Variants in CDH4 observed in about 807,000 individuals in gnomAD.
The protein encoded by CDH4 is cadherin-4.
In CDH4, 33 loss-of-function variants were observed where a neutral mutation model predicts 86.0. The ratio of observed to expected loss-of-function variants is 0.38; its 90% CI spans 0.29 to 0.51. CDH4 has a LOEUF of 0.51. CDH4 is among the 20% of genes least tolerant of loss of function. The probability of loss-of-function intolerance (pLI) is 0.86; values close to 1 mark genes in which losing one functional copy is unlikely to be tolerated. For synonymous variants in CDH4, 555 were observed against 549.4 expected (o/e 1.01, Z -0.14); for missense variants, 1,114 against 1,307.4 (o/e 0.85, Z 2.28).
chr20:61,513,303 A>T (rs1012583456), intron 2 of CDH4, among the ~76,000 whole-genome samples: 2 of 152,172 alleles, frequency 1.3e-5, no homozygotes, highest in African/African-American at 4.8e-5. Flanking sequence ...GAAAGGGAAC[A>T]TCCACGGTCT....
Position 61,853,235 on chromosome 20 carries a change from A to C in CDH4, c.877+337A>C, listed in dbSNP as rs193263024. Among the ~76,000 whole-genome samples the C allele has an allele frequency of 2.9e-3, 445 of 152,108 alleles. 3 individuals are homozygous for C. Among genetic ancestry groups the C allele is most frequent in the Middle Eastern group, 0.01 (3 of 294 alleles). Reference sequence around the variant, plus strand: ...CGTGTGGGCTGGGAGCTGAAGCCTGAGGTGGAGCAGCTCCCGGAGTGGGAC... The same window carrying C: ...CGTGTGGGCTGGGAGCTGAAGCCTGCGGTGGAGCAGCTCCCGGAGTGGGAC... On this transcript the variant is annotated intron_variant, in intron 6 of 15. Coordinates refer to ENST00000614565, the MANE Select transcript of CDH4 (RefSeq NM_001794.5).
chr20:61,926,885 AAAG>A (rs1298664329), intron 11 of CDH4, among the ~76,000 whole-genome samples: 1 of 152,030 alleles, frequency 6.6e-6, no homozygotes, highest in African/African-American at 2.4e-5. Context: ...AAAAGAAAAA[AAAG>A]AAAGAAAGTG....
chr20:61,324,104 T>C (rs542178815), intron 2 of CDH4, among the ~76,000 whole-genome samples: 1 of 152,280 alleles, frequency 6.6e-6, no homozygotes, highest in African/African-American at 2.4e-5. Flanking sequence ...TGTGGGAGTG[T>C]GTGCGATACT....
intron 2 of CDH4, among the ~76,000 whole-genome samples, chr20:61,484,718 G>A (rs1170456481): frequency 6.6e-6 from 1 of 152,150 alleles, no homozygotes; most frequent in African/African-American, 2.4e-5. Flanking sequence ...AGCCAGTGGG[G>A]AAAGAGCTAT....
chr20:61,259,800 C>T (rs1305247275), intron 2 of CDH4, among the ~76,000 whole-genome samples: 4 of 152,204 alleles, frequency 2.6e-5, no homozygotes, highest in Non-Finnish European at 5.9e-5. Flanking sequence ...TCACCGGTAT[C>T]TAATTAGGTT....
chr20:61,916,875 T>TA (rs1243731321), intron 9 of CDH4, among the ~76,000 whole-genome samples: 4 of 152,150 alleles, frequency 2.6e-5, no homozygotes, highest in African/African-American at 4.8e-5. Context: ...TCTAGCTGGG[T>TA]CCCCCCAGGT....
chr20:61,317,667 C>T (rs2084484062), intron 2 of CDH4, among the ~76,000 whole-genome samples: 1 of 152,138 alleles, frequency 6.6e-6, no homozygotes, highest in African/African-American at 2.4e-5. Context: ...TGGTAGCACC[C>T]CTCCCCTAGG....
intron 2 of CDH4, among the ~76,000 whole-genome samples, chr20:61,484,477 C>T (rs1043327621): frequency 2.0e-5 from 3 of 152,224 alleles, no homozygotes; most frequent in African/African-American, 4.8e-5. Flanking sequence ...TCATCAGGCC[C>T]GTTTATCTTC....
chr20:61,934,290 C>A (rs2055152417), intron 15 of CDH4, 70 bp downstream of exon 15: 8 of 1,457,810 alleles, frequency 5.5e-6, no homozygotes, highest in East Asian at 2.5e-5. Flanking sequence ...TGGTAACACA[C>A]ACAGAAGCCA....
At chr20:61,300,053 A>G (rs1462648756) in intron 2 of CDH4, among the ~76,000 whole-genome samples, 3 of 152,106 alleles carry the variant, frequency 2.0e-5, no homozygotes, top group Admixed American at 6.5e-5. Flanking sequence ...TCCAACAAAC[A>G]TGAAGAGACT....
At chr20:61,868,252 C>A (rs115839365) in intron 6 of CDH4, among the ~76,000 whole-genome samples, 1,786 of 152,236 alleles carry the variant, frequency 0.012, 23 homozygotes, top group South Asian at 0.06. Flanking sequence ...ATCCTGGGGC[C>A]GTCTGTGTTC....
chr20:61,278,732 C>T (rs1408851063), intron 2 of CDH4, among the ~76,000 whole-genome samples: 4 of 152,208 alleles, frequency 2.6e-5, no homozygotes, highest in African/African-American at 4.8e-5. Flanking sequence ...TTTCTCCCCT[C>T]GAGAACAAGG....
intron 2 of CDH4, among the ~76,000 whole-genome samples, chr20:61,418,506 T>C (rs1025711435): frequency 3.9e-5 from 6 of 152,274 alleles, no homozygotes; most frequent in South Asian, 4.1e-4. Context: ...CCACCGCGCC[T>C]GGCCAAACTT....
chr20:61,409,137 C>G (rs565444784), intron 2 of CDH4, among the ~76,000 whole-genome samples: 1 of 152,336 alleles, frequency 6.6e-6, no homozygotes, highest in African/African-American at 2.4e-5. Flanking sequence ...GCCACTCCAT[C>G]ACGTGGTGGG....
chr20:61,575,901 A>T (rs2086379303), intron 2 of CDH4, among the ~76,000 whole-genome samples: 1 of 152,170 alleles, frequency 6.6e-6, no homozygotes, highest in African/African-American at 2.4e-5. Context: ...CAACTCTGCC[A>T]GTAGGGGAGA....
At chr20:61,865,959 T>G (rs1983530713) in intron 6 of CDH4, among the ~76,000 whole-genome samples, 1 of 152,214 alleles carries the variant, frequency 6.6e-6, no homozygotes, top group Non-Finnish European at 1.5e-5. Flanking sequence ...ATTTTTATAT[T>G]TGATCTGGTC....
At chr20:61,606,817 G>A (rs1294353927) in intron 2 of CDH4, among the ~76,000 whole-genome samples, 1 of 152,264 alleles carries the variant, frequency 6.6e-6, no homozygotes, top group Non-Finnish European at 1.5e-5. Context: ...ATGACTCTGT[G>A]TGGCCTTGCC....
At chr20:61,416,517 T>C (rs953275513) in intron 2 of CDH4, among the ~76,000 whole-genome samples, 1 of 152,232 alleles carries the variant, frequency 6.6e-6, no homozygotes, top group East Asian at 1.9e-4. Context: ...GGGTGTGAAG[T>C]GGTATGCAAT....
chr20:61,532,363 A>C (rs1336566405), intron 2 of CDH4, among the ~76,000 whole-genome samples: 2 of 152,188 alleles, frequency 1.3e-5, no homozygotes, highest in Admixed American at 6.5e-5. Flanking sequence ...GGACCCTGGC[A>C]CCAGTTCAAC....
Sources: gnomAD v4.1 joint callset for allele counts (sites outside exome capture counted in the v4.1 genomes callset) on GRCh38, gnomAD v4.1.1 for gene constraint, MANE v1.5 for transcripts, NCBI Gene and HGNC (gene_info 2026-07-23, HGNC 2026-07-21) for gene names.